Variants in ZMIZ2 observed in about 807,000 individuals in gnomAD.
ZMIZ2 encodes zinc finger MIZ domain-containing protein 2.
In ZMIZ2, 26 loss-of-function variants were observed where a neutral mutation model predicts 93.9. The observed-to-expected ratio is 0.28, with a 90% CI of 0.20 to 0.38. The LOEUF (loss-of-function observed/expected upper bound fraction) is 0.38, where lower values mean the gene tolerates loss of function less well. Ranked by LOEUF, ZMIZ2 falls within the 10% of genes least tolerant of loss-of-function variation. The pLI is 1.00. For synonymous variants in ZMIZ2, 485 were observed against 516.4 expected, an observed-to-expected ratio of 0.94 and a Z score of 0.82; for missense variants, 1,023 against 1,235.0, an observed-to-expected ratio of 0.83 and a Z score of 2.57.
At position 44,761,387 on chromosome 7, in the gene ZMIZ2, G is replaced by T; in HGVS notation, c.1241-62G>T. 6.3e-7 allele frequency: 1 copy of T among 1,578,986 alleles called. No individual in the cohort carries two copies. ...TGGCTGGGGAGCCGCTGCCCTCCTT[G>T]AGTGACACAAGACGCTCTGGCTGGG... On this transcript the variant is annotated intron_variant, in intron 9 of 18. Transcript: ENST00000309315. This position sits in a 1 kb window ranked among gnomAD's most constrained non-coding sequence, Gnocchi z 5.8.
In ZMIZ2 at chr7:44,765,151, CGTGTGTGTCCTACCTGA is replaced by C; in HGVS notation, c.1997+147_1997+163del. On this transcript the variant is annotated intron_variant, in intron 15 of 18. Transcript: ENST00000309315. This position sits in a 1 kb window ranked among gnomAD's most constrained non-coding sequence, Gnocchi z 4.1. ...AGGCTGGATTCCAGGCCAGAGACAG[CGTGTGTGTCCTACCTGA>C]GTGTTGGTGCTGGGCCCAGCGTCCT... 5 of 1,422,256 alleles carry C rather than the reference CGTGTGTGTCCTACCTGA, an allele frequency of 3.5e-6. No homozygotes were observed. The highest frequency in any genetic ancestry group is 4.8e-6 in the Non-Finnish European group (5 of 1,039,200). The allele number at this position is 1,422,256 out of a possible 1,614,324, so 88.1% of individuals were successfully genotyped here. A position where few individuals can be genotyped will look rare whatever the true frequency, so the allele number is the denominator to read the frequency against.
chr7:44,764,547 G>C, intron 14 of ZMIZ2, 61 bp downstream of exon 14: 3 of 1,558,718 alleles, frequency 1.9e-6, no homozygotes, highest in Middle Eastern at 1.7e-4. Context: ...GCTTTCATGG[G>C]TGAAACCTCC....
At chr7:44,752,018 G>A (rs1466798081) in intron 1 of ZMIZ2, among the ~76,000 whole-genome samples, 2 of 152,230 alleles carry the variant, frequency 1.3e-5, no homozygotes, top group East Asian at 1.9e-4. Context: ...GACACAGAGA[G>A]ATTTATTCTG....
chr7:44,765,233 G>A lies in ZMIZ2; in HGVS notation c.1998-102G>A, dbSNP rs1001194247. 1 of 1,563,710 alleles carries A rather than the reference G, an allele frequency of 6.4e-7. No homozygotes were observed. Among genetic ancestry groups the A allele is most frequent in the Admixed American group, 1.7e-5 (1 of 57,876 alleles). On this transcript the variant is annotated intron_variant, in intron 15 of 18. Coordinates refer to ENST00000309315, the MANE Select transcript of ZMIZ2 (RefSeq NM_031449.4). This position sits in a 1 kb window ranked among gnomAD's most constrained non-coding sequence, Gnocchi z 4.1. ...GTGCTGGGTGGAAGCAAGCATTTGAGTGGGGGAACCTGCCTGGAAACAGCC... is the reference window on the plus strand; with the variant it reads ...GTGCTGGGTGGAAGCAAGCATTTGAATGGGGGAACCTGCCTGGAAACAGCC...
rs769219353 is a variant in ZMIZ2 at position 44,763,205 on chromosome 7, C to T, written c.1703-51C>T. On this transcript the variant is annotated intron_variant, in intron 12 of 18. Transcript: ENST00000309315. This position sits in a 1 kb window ranked among gnomAD's most constrained non-coding sequence, Gnocchi z 5.6. Reference sequence around the variant, plus strand: ...GCCTCGTTGGCATCCCCATTCACACCTCCCCATCTTGGGGACCCTTTACTC... The same window carrying T: ...GCCTCGTTGGCATCCCCATTCACACTTCCCCATCTTGGGGACCCTTTACTC... 4 of 1,594,844 alleles carry T rather than the reference C, an allele frequency of 2.5e-6. No homozygotes were observed. In the Admixed American group the frequency reaches 6.8e-5, roughly 27 times the overall value.
chr7:44,757,194 T>C, intron 4 of ZMIZ2, 45 bp downstream of exon 4: 1 of 1,555,456 alleles, frequency 6.4e-7, no homozygotes, highest in South Asian at 1.2e-5. Flanking sequence ...GAGCCATCAA[T>C]CTGGCAGGCA....
At chr7:44,752,038 C>G (rs564688270) in intron 1 of ZMIZ2, among the ~76,000 whole-genome samples, 1 of 152,262 alleles carries the variant, frequency 6.6e-6, no homozygotes, top group African/African-American at 2.4e-5. Flanking sequence ...GTCCTTTACC[C>G]AGTTTGCCCC....
chr7:44,753,895 G>A (rs1310775730), intron 1 of ZMIZ2, among the ~76,000 whole-genome samples: 2 of 152,154 alleles, frequency 1.3e-5, no homozygotes, highest in African/African-American at 4.8e-5. Context: ...ATGCCCAGTT[G>A]CTCCATTGTC....
Position 44,760,613 on chromosome 7 carries a change from G to A in ZMIZ2, c.1240+20G>A. Reference sequence around the variant, plus strand: ...CCTCTGGTAAGTCTGTCCACTCTTGGGACAGCGGGGTGACAAGGCCAGGGT... The same window carrying A: ...CCTCTGGTAAGTCTGTCCACTCTTGAGACAGCGGGGTGACAAGGCCAGGGT... On this transcript the variant is annotated intron_variant, in intron 9 of 18. Transcript: ENST00000309315. 6.2e-7 allele frequency: 1 copy of A among 1,612,800 alleles called. No homozygotes were observed. The highest frequency in any genetic ancestry group is 8.5e-7 in the Non-Finnish European group (1 of 1,179,328).
chr7:44,762,284 A>AT (rs1485141140), intron 11 of ZMIZ2, among the ~76,000 whole-genome samples: 1 of 152,240 alleles, frequency 6.6e-6, no homozygotes, highest in African/African-American at 2.4e-5. Flanking sequence ...GTTAGAGTAA[A>AT]TTGACTAGAT....
In ZMIZ2 at chr7:44,765,335, C is replaced by T. The variant is rs1039226580; in HGVS notation, c.1998C>T (p.Asn666=). Residue 666 remains asparagine, a splice_region_variant and synonymous_variant, in exon 16 of 19, where the codon AAC becomes AAT. Coordinates refer to ENST00000309315, the MANE Select transcript of ZMIZ2 (RefSeq NM_031449.4). The surrounding 1 kb of genome is among the most constrained non-coding windows in gnomAD (Gnocchi z 4.1). ...CCATTCCCCACCTGTCCCTGCCCAGCTCTGACTATGAGGAGATCACCATCG... is the reference window on the plus strand; with the variant it reads ...CCATTCCCCACCTGTCCCTGCCCAGTTCTGACTATGAGGAGATCACCATCG... ...YMLGILIYIQ[N]SDYEEITIDP... is the part of the protein sequence containing the mutation. 1 of 1,613,180 alleles carries T rather than the reference C, an allele frequency of 6.2e-7. No homozygotes were observed. Among genetic ancestry groups the T allele is most frequent in the East Asian group, 2.2e-5 (1 of 44,878 alleles).
Position 44,762,912 on chromosome 7 carries a change from G to A in ZMIZ2, c.1628G>A (p.Arg543His), listed in dbSNP as rs747725017. Reference sequence around the variant, plus strand: ...CTCTTCGTGCTGCAGCTAGTGCACCGCCCATCCGTCCGCTCGGTGCTGCAG... The same window carrying A: ...CTCTTCGTGCTGCAGCTAGTGCACCACCCATCCGTCCGCTCGGTGCTGCAG... ...SHLFVLQLVHRPSVRSVLQGL... is the reference protein window; with the variant it reads ...SHLFVLQLVHHPSVRSVLQGL... The change falls in exon 12 of 19, where the codon CGC becomes CAC. Residue 543 changes from arginine to histidine, a missense_variant. Transcript: ENST00000309315. 52 of 1,612,380 alleles carry A rather than the reference G, an allele frequency of 3.2e-5. No individual in the cohort carries two copies. Among genetic ancestry groups the A allele is most frequent in the Non-Finnish European group, 4.2e-5 (49 of 1,178,926 alleles).
rs1314006797 is a variant in ZMIZ2 at position 44,767,435 on chromosome 7, C to A, written c.2656-81C>A. 3.3e-6 allele frequency: 4 copies of A among 1,205,446 alleles called. No individual in the cohort carries two copies. In the East Asian group the frequency reaches 7.1e-5, roughly 22 times the overall value. 74.7% of individuals were successfully genotyped at this position (1,205,446 alleles called of 1,614,324 possible). ...ATCCCCACTGTGCCTGGAGACAGGG[C>A]CGGGATGTGGTGACAGGATGGTCAC... On this transcript the variant is annotated intron_variant, in intron 18 of 18. Coordinates refer to ENST00000309315, the MANE Select transcript of ZMIZ2 (RefSeq NM_031449.4).
chr7:44,764,375 G>A, intron 13 of ZMIZ2, 44 bp from the exon 14 acceptor site: 1 of 1,599,928 alleles, frequency 6.3e-7, no homozygotes, highest in African/African-American at 1.3e-5. Flanking sequence ...TTTTCCCTGT[G>A]CTACCCACAA....
In ZMIZ2 at chr7:44,766,999, A is replaced by G. The variant is rs1024482591; in HGVS notation, c.2655+336A>G. On this transcript the variant is annotated intron_variant, in intron 18 of 18. Transcript: ENST00000309315. This position sits in a 1 kb window ranked among gnomAD's most constrained non-coding sequence, Gnocchi z 4.4. ...CCCTGGGTCTTGACTCACAGGTGGAATGGGAGTGCAAACTCAGTACATGAA... is the reference window on the plus strand; with the variant it reads ...CCCTGGGTCTTGACTCACAGGTGGAGTGGGAGTGCAAACTCAGTACATGAA... 2.0e-5 allele frequency among the ~76,000 whole-genome samples: 3 copies of G among 152,160 alleles called. No individual in the cohort carries two copies. The highest frequency in any genetic ancestry group is 2.9e-5 in the Non-Finnish European group (2 of 68,018).
At chr7:44,756,402 C>A (rs1790593451) in intron 2 of ZMIZ2, 23 bp from the exon 3 acceptor site, 1 of 1,613,862 alleles carries the variant, frequency 6.2e-7, no homozygotes, top group Non-Finnish European at 8.5e-7. Context: ...TGACCCAGGC[C>A]TCAGCAGCCT....
At position 44,765,240 on chromosome 7, in the gene ZMIZ2, A is replaced by C. The variant is rs1791582768; in HGVS notation, c.1998-95A>C. ...GTGGAAGCAAGCATTTGAGTGGGGG[A>C]ACCTGCCTGGAAACAGCCCAGGGCT... On this transcript the variant is annotated intron_variant, in intron 15 of 18. Transcript: ENST00000309315. This position sits in a 1 kb window ranked among gnomAD's most constrained non-coding sequence, Gnocchi z 4.1. The C allele has an allele frequency of 6.4e-7, 1 of 1,568,454 alleles. No individual in the cohort carries two copies. Among genetic ancestry groups the C allele is most frequent in the East Asian group, 2.3e-5 (1 of 44,408 alleles).
intron 14 of ZMIZ2, 99 bp downstream of exon 14, chr7:44,764,585 C>T: frequency 7.3e-7 from 1 of 1,360,980 alleles, no homozygotes; most frequent in Non-Finnish European, 1.0e-6. Context: ...TACGAGCCTG[C>T]TGGGAGGAGT....
chr7:44,755,569 G>C (rs915866608), intron 1 of ZMIZ2, among the ~76,000 whole-genome samples: 1 of 152,150 alleles, frequency 6.6e-6, no homozygotes, highest in African/African-American at 2.4e-5. Flanking sequence ...GAGGTATCCT[G>C]CATGTCCCTC....
Sources: allele counts gnomAD v4.1 joint callset (sites outside exome capture counted in the v4.1 genomes callset), GRCh38; gene constraint gnomAD v4.1.1; non-coding constraint Gnocchi (gnomAD v3.1); transcripts MANE v1.5; gene names NCBI Gene and HGNC (gene_info 2026-07-23, HGNC 2026-07-21).